The following GOPC variants were observed in gnomAD, a reference collection of about 807,000 sequenced individuals.
GOPC encodes golgi associated PDZ and coiled-coil motif containing, also known as Golgi-associated PDZ and coiled-coil motif-containing protein.
Under a neutral mutation model 51.2 loss-of-function variants are expected in GOPC, and 32 were observed. The observed-to-expected ratio is 0.63, with a 90% confidence interval of 0.47 to 0.84. The LOEUF is 0.84. GOPC is among the 40% of genes least tolerant of loss of function. GOPC has a pLI of 0.00. For missense variants in GOPC, 441 were observed against 555.5 expected (o/e 0.79, Z 2.07); for synonymous variants, 190 against 205.1 (o/e 0.93, Z 0.63).
Position 117,598,487 on chromosome 6 carries a change from A to G in GOPC, c.285+3517T>C, listed in dbSNP as rs563378741. 3.9e-5 allele frequency among the ~76,000 whole-genome samples: 6 copies of G among 152,350 alleles called. No homozygotes were observed. In the South Asian group the frequency reaches 6.2e-4, roughly 16 times the overall value. The stretch of plus-strand genomic sequence containing the variant: ...ATGTTGGTTAACACAGCGGTCACCA[A>G]TGTTTTTGGCATCAGGGACTGGTTT... On this transcript the variant is annotated intron_variant, in intron 1 of 8. Transcript: ENST00000368498.
At chr6:117,571,962 CCTATT>C (rs1172444799) in intron 5 of GOPC, among the ~76,000 whole-genome samples, 1 of 152,090 alleles carries the variant, frequency 6.6e-6, no homozygotes, top group African/African-American at 2.4e-5. Flanking sequence ...TCCTTGGCCT[CCTATT>C]CTTTTTACTA....
chr6:117,573,522 C>A lies in GOPC; in HGVS notation c.761G>T (p.Arg254Leu). 1 of 1,614,074 alleles carries A rather than the reference C, an allele frequency of 6.2e-7. No individual in the cohort carries two copies. The highest frequency in any genetic ancestry group is 8.5e-7 in the Non-Finnish European group (1 of 1,179,994). ...IHLHRHKTVIRACRGRNDLKR... is the reference protein window; with the variant it reads ...IHLHRHKTVILACRGRNDLKR... ...CAAGTCATTACGTCCTCTGCAGGCT[C>A]GGATCACAGTTTTGTGACGATGCAA... Residue 254 changes from arginine to leucine, a missense_variant, in exon 5 of 9, where the codon CGA (arginine) becomes CTA (leucine). Around this residue, in one of 3 missense-constraint regions of GOPC, gnomAD observed 166 missense variants for 267.0 expected, o/e 0.62. Transcript: ENST00000368498.
At chr6:117,588,345 G>A (rs1369342942) in intron 1 of GOPC, among the ~76,000 whole-genome samples, 1 of 151,832 alleles carries the variant, frequency 6.6e-6, no homozygotes. Flanking sequence ...GCATGATCTT[G>A]GCTCACTGCA....
At chr6:117,583,464 C>CT (rs1458551105) in intron 1 of GOPC, among the ~76,000 whole-genome samples, 2 of 152,118 alleles carry the variant, frequency 1.3e-5, no homozygotes, top group Non-Finnish European at 2.9e-5. Flanking sequence ...ACACTAAATG[C>CT]TTTTTTGGCA....
At chr6:117,584,417 C>G (rs1780001927) in intron 1 of GOPC, among the ~76,000 whole-genome samples, 1 of 152,200 alleles carries the variant, frequency 6.6e-6, no homozygotes, top group Non-Finnish European at 1.5e-5. Flanking sequence ...AGTTGGGGTT[C>G]CCACATTTCC....
chr6:117,579,014 T>C lies in GOPC; in HGVS notation c.336A>G (p.Lys112=). 6.2e-7 allele frequency: 1 copy of C among 1,611,168 alleles called. No individual in the cohort carries two copies. Among genetic ancestry groups the C allele is most frequent in the Non-Finnish European group, 8.5e-7 (1 of 1,178,782 alleles). Residue 112 remains lysine (K), a synonymous_variant, in exon 2 of 9, where the codon AAA becomes AAG. Coordinates refer to ENST00000368498, the MANE Select transcript of GOPC (RefSeq NM_020399.4). The stretch of plus-strand genomic sequence containing the variant: ...CATGTACTTCTTTCTCCAAAACAAC[T>C]TTCTCTGCTTGGGTTTCTGTCAGTT... ...KSELTETQAE[K]VVLEKEVHDQ...
chr6:117,570,732 C>T, intron 6 of GOPC, 128 bp downstream of exon 6: 2 of 413,492 alleles, frequency 4.8e-6, no homozygotes, highest in East Asian at 3.5e-5. Context: ...ACATTTATCC[C>T]CATGGGGATA....
Position 117,602,456 on chromosome 6 carries a change from C to G in GOPC, c.-168G>C, listed in dbSNP as rs1037007728. On this transcript the variant is annotated 5_prime_UTR_variant, in exon 1 of 9. Coordinates refer to ENST00000368498, the MANE Select transcript of GOPC (RefSeq NM_020399.4). Reference sequence around the variant, plus strand: ...CACAGTCACAGAACCGCAGGAGTAACGAGGCTGAAGCTGAGGCGGCAACGG... The same window carrying G: ...CACAGTCACAGAACCGCAGGAGTAAGGAGGCTGAAGCTGAGGCGGCAACGG... The G allele has an allele frequency of 2.4e-5, 16 of 660,074 alleles. No homozygotes were observed. Among genetic ancestry groups the G allele is most frequent in the African/African-American group, 2.4e-4 (13 of 54,994 alleles). The allele number at this position is 660,074 out of a possible 1,614,324, so 40.9% of individuals were successfully genotyped here.
At chr6:117,594,725 A>T (rs916051192) in intron 1 of GOPC, among the ~76,000 whole-genome samples, 7 of 152,320 alleles carry the variant, frequency 4.6e-5, no homozygotes, top group African/African-American at 1.7e-4. Context: ...TCTAGATCAA[A>T]GTTAAAAGTT....
chr6:117,590,407 C>G (rs1254357198), intron 1 of GOPC, among the ~76,000 whole-genome samples: 1 of 151,286 alleles, frequency 6.6e-6, no homozygotes, highest in Non-Finnish European at 1.5e-5. Flanking sequence ...CCTGTCTCTA[C>G]AAAAATTACC....
At chr6:117,591,595 T>A (rs954762334) in intron 1 of GOPC, among the ~76,000 whole-genome samples, 1 of 152,170 alleles carries the variant, frequency 6.6e-6, no homozygotes, top group African/African-American at 2.4e-5. Flanking sequence ...AGTGTGTGTT[T>A]GATACTGTAG....
intron 8 of GOPC, among the ~76,000 whole-genome samples, chr6:117,565,992 G>A (rs1319423185): frequency 2.6e-5 from 4 of 152,028 alleles, no homozygotes; most frequent in African/African-American, 9.7e-5. Context: ...GTACTCAAAG[G>A]TCAATATTTA....
At chr6:117,598,121 G>A (rs1780227818) in intron 1 of GOPC, among the ~76,000 whole-genome samples, 1 of 151,270 alleles carries the variant, frequency 6.6e-6, no homozygotes, top group South Asian at 2.1e-4. Context: ...CATTTCGAGA[G>A]GTTGAGGCAG....
rs753392235 is a variant in GOPC at position 117,579,061 on chromosome 6, G to A, written c.289C>T (p.Gln97Ter). 6.3e-7 allele frequency: 1 copy of A among 1,598,426 alleles called. No homozygotes were observed. Among genetic ancestry groups the A allele is most frequent in the East Asian group, 2.3e-5 (1 of 44,402 alleles). ...AGTTCAGATTTCAGATCCACCAACT[G>A]TGCCTTATAAAGAAAACAATAGAAG... The part of the protein sequence containing the change: ...VSQINHKLEA[Q>*]LVDLKSELTE... Residue 97 changes from glutamine to a stop codon, truncating the protein, a stop_gained, in exon 2 of 9, where the codon CAG becomes TAG. Coordinates refer to ENST00000368498, the MANE Select transcript of GOPC (RefSeq NM_020399.4). LOFTEE classifies it high-confidence loss of function.
intron 4 of GOPC, 142 bp downstream of exon 4, chr6:117,575,035 T>C (rs928140332): frequency 1.7e-5 from 10 of 575,740 alleles, no homozygotes; most frequent in African/African-American, 1.7e-4. Context: ...GCAGAGATCA[T>C]GCCACTGCAC....
In GOPC at chr6:117,570,932, G is replaced by T; in HGVS notation, c.840C>A (p.Ser280Arg). ...PGHDQDSLKK[S>R]QGVGPIRKVL... ...CTTTTCTAATTGGACCAACACCTTGGCTTTTCTTTAGGGAATCTTGATCCT... is the reference window on the plus strand; with the variant it reads ...CTTTTCTAATTGGACCAACACCTTGTCTTTTCTTTAGGGAATCTTGATCCT... The change falls in exon 6 of 9, where the codon AGC becomes AGA. Residue 280 changes from serine to arginine, a missense_variant. Transcript: ENST00000368498. 1 of 1,593,154 alleles carries T rather than the reference G, an allele frequency of 6.3e-7. No individual in the cohort carries two copies. Among genetic ancestry groups the T allele is most frequent in the Non-Finnish European group, 8.6e-7 (1 of 1,166,008 alleles).
chr6:117,563,081 G>T lies in GOPC; in HGVS notation c.*173C>A. On this transcript the variant is annotated 3_prime_UTR_variant, in exon 9 of 9. Coordinates refer to ENST00000368498, the MANE Select transcript of GOPC (RefSeq NM_020399.4). ...CAATAGCTAATTATGGTCTACCACA[G>T]AAAACAGGGTGTTTTATGCATTGAG... 1.7e-6 allele frequency: 1 copy of T among 591,188 alleles called. No homozygotes were observed. Among genetic ancestry groups the T allele is most frequent in the Non-Finnish European group, 3.0e-6 (1 of 335,742 alleles). The allele number at this position is 591,188 out of a possible 1,614,324, so 36.6% of individuals were successfully genotyped here. A position where few individuals can be genotyped will look rare whatever the true frequency, so the allele number is the denominator to read the frequency against.
Position 117,594,165 on chromosome 6 carries a change from T to C in GOPC, c.285+7839A>G, listed in dbSNP as rs546892533. ...GTCCCTCTCTGTCTGTTCAAACTTA[T>C]CTTGTGCCTTGCTTCTTTTGCCCTC... On this transcript the variant is annotated intron_variant, in intron 1 of 8. Transcript: ENST00000368498. 1.1e-4 allele frequency among the ~76,000 whole-genome samples: 17 copies of C among 152,320 alleles called. No individual in the cohort carries two copies. The South Asian group carries it at 3.5e-3, about 32-fold the overall frequency.
At chr6:117,589,460 C>T (rs898252219) in intron 1 of GOPC, among the ~76,000 whole-genome samples, 1 of 152,212 alleles carries the variant, frequency 6.6e-6, no homozygotes, top group Non-Finnish European at 1.5e-5. Flanking sequence ...GCTGGGATTA[C>T]AGGCATGTAC....
Sources: allele counts gnomAD v4.1 joint callset (sites outside exome capture counted in the v4.1 genomes callset), GRCh38; gene constraint gnomAD v4.1.1; regional missense constraint gnomAD v4.1.1; transcripts MANE v1.5; gene names NCBI Gene and HGNC (gene_info 2026-07-23, HGNC 2026-07-21).